Variants in ZNF426 observed in about 807,000 individuals in gnomAD.
ZNF426 encodes the protein zinc finger protein 426.
ZNF426 carries 23 observed loss-of-function variants against 24.0 expected under a neutral mutation model. That is an observed-to-expected ratio of 0.96 (90% confidence interval 0.69 to 1.36). The LOEUF (loss-of-function observed/expected upper bound fraction) is 1.36. Ranked by LOEUF, ZNF426 falls within the 40% of genes most tolerant of loss-of-function variation. The pLI is 0.00. For missense variants in ZNF426, 646 were observed against 658.4 expected (o/e 0.98, Z 0.21); for synonymous variants, 272 against 224.6 (o/e 1.21, Z -1.89).
At chr19:9,529,870 AGCACTTTGG>A (rs2073856590) in intron 7 of ZNF426, among the ~76,000 whole-genome samples, 2 of 152,142 alleles carry the variant, frequency 1.3e-5, no homozygotes, top group African/African-American at 2.4e-5. Flanking sequence ...CTGTAATCCC[AGCACTTTGG>A]GAGTCCGATG....
Position 9,527,640 on chromosome 19 carries a change from A to G in ZNF426, c.*740T>C, listed in dbSNP as rs1000922882. 15 of 152,204 alleles carry G rather than the reference A, an allele frequency of 9.9e-5. No homozygotes were observed. Among genetic ancestry groups the G allele is most frequent in the Admixed American group, 8.5e-4 (13 of 15,274 alleles). The allele number at this position is 152,204 out of a possible 1,614,324, so 9.4% of individuals were successfully genotyped here. On this transcript the variant is annotated 3_prime_UTR_variant, in exon 8 of 8. Coordinates refer to ENST00000253115, the MANE Select transcript of ZNF426 (RefSeq NM_024106.3). ...TAGTTTCTCTCCAGTGTGGCTTTGCATGTGAATATTAAGGCTTTTGGACAA... is the reference window on the plus strand; with the variant it reads ...TAGTTTCTCTCCAGTGTGGCTTTGCGTGTGAATATTAAGGCTTTTGGACAA...
rs1019476126 is a variant in ZNF426, at chr19:9,528,003, T to G, written c.*377A>C. 1.3e-5 allele frequency: 2 copies of G among 158,350 alleles called. No individual in the cohort carries two copies. Among genetic ancestry groups the G allele is most frequent in the African/African-American group, 4.8e-5 (2 of 41,440 alleles). The allele number at this position is 158,350 out of a possible 1,614,324, so 9.8% of individuals were successfully genotyped here. A position where few individuals can be genotyped will look rare whatever the true frequency, so the allele number is the denominator to read the frequency against. ...TCAAATAATTTTCTTTTTTTTTTTT[T>G]TTTGAGATGGAGTCTCACTCCATCG... On this transcript the variant is annotated 3_prime_UTR_variant, in exon 8 of 8. Coordinates refer to ENST00000253115, the MANE Select transcript of ZNF426 (RefSeq NM_024106.3).
In ZNF426 at chr19:9,527,758, T is replaced by G. The variant is rs1285431591; in HGVS notation, c.*622A>C. 1 of 152,200 alleles carries G rather than the reference T, an allele frequency of 6.6e-6. No individual in the cohort carries two copies. The highest frequency in any genetic ancestry group is 1.5e-5 in the Non-Finnish European group (1 of 68,048). The allele number at this position is 152,200 out of a possible 1,614,324, so 9.4% of individuals were successfully genotyped here. A position where few individuals can be genotyped will look rare whatever the true frequency, so the allele number is the denominator to read the frequency against. On this transcript the variant is annotated 3_prime_UTR_variant, in exon 8 of 8. Transcript: ENST00000253115. ...GACTGGGTGGCTCAAACAAGAGAATTTTATTTGTTCAAAGTTCTGGAAGCC... is the reference window on the plus strand; with the variant it reads ...GACTGGGTGGCTCAAACAAGAGAATGTTATTTGTTCAAAGTTCTGGAAGCC...
At chr19:9,532,766 A>G (rs2144773286) in intron 6 of ZNF426, 79 bp downstream of exon 6, 2 of 1,041,424 alleles carry the variant, frequency 1.9e-6, no homozygotes, top group East Asian at 2.4e-5. Context: ...GAGAAAGTAC[A>G]TGTTAAAAAG....
chr19:9,531,712 C>T (rs113458959), intron 6 of ZNF426, among the ~76,000 whole-genome samples: 12 of 152,208 alleles, frequency 7.9e-5, no homozygotes, highest in African/African-American at 2.2e-4. Context: ...TGGCCGGGCA[C>T]GGTGGCTCAT....
chr19:9,536,159 G>C (rs2073962148), intron 3 of ZNF426, 49 bp downstream of exon 3: 1 of 1,612,422 alleles, frequency 6.2e-7, no homozygotes, highest in Admixed American at 1.7e-5. Context: ...CCTATATTGT[G>C]TAAAGGGAAC....
intron 2 of ZNF426, among the ~76,000 whole-genome samples, chr19:9,537,449 CTCTT>C (rs1164543752): frequency 9.2e-6 from 1 of 109,212 alleles, no homozygotes; most frequent in Non-Finnish European, 2.1e-5. Flanking sequence ...GAATATTTAA[CTCTT>C]TTTTTTTTTT....
intron 5 of ZNF426, 49 bp from the exon 6 acceptor site, chr19:9,532,974 C>T (rs375402224): frequency 4.9e-5 from 73 of 1,477,950 alleles, no homozygotes; most frequent in Non-Finnish European, 6.5e-5. Flanking sequence ...AAAAAGATTA[C>T]AAACCTTTCT....
intron 7 of ZNF426, among the ~76,000 whole-genome samples, chr19:9,530,633 A>G (rs996966486): frequency 6.7e-6 from 1 of 148,568 alleles, no homozygotes; most frequent in Non-Finnish European, 1.5e-5. Flanking sequence ...GTGGTGGTGC[A>G]TGCCTGTAGT....
rs756376202 is a variant in ZNF426, at chr19:9,529,005, T to C, written c.1040A>G (p.Gln347Arg). The change falls in exon 8 of 8, where the codon CAG becomes CGG. Residue 347 changes from glutamine to arginine, a missense_variant. Coordinates refer to ENST00000253115, the MANE Select transcript of ZNF426 (RefSeq NM_024106.3). Reference sequence around the variant, plus strand: ...TACATGCATACTAAGGCCCGAGTACTGAGTGAAGGCTTTCCCACATTCCTT... The same window carrying C: ...TACATGCATACTAAGGCCCGAGTACCGAGTGAAGGCTTTCCCACATTCCTT... The part of the protein sequence containing the change: ...VCKECGKAFT[Q>R]YSGLSMHVRS... 6.2e-7 allele frequency: 1 copy of C among 1,613,544 alleles called. No individual in the cohort carries two copies.
intron 4 of ZNF426, among the ~76,000 whole-genome samples, chr19:9,534,736 A>C (rs947720696): frequency 6.6e-6 from 1 of 152,128 alleles, no homozygotes; most frequent in African/African-American, 2.4e-5. Context: ...CTGGGAGTCC[A>C]GTCATGTACC....
At position 9,535,245 on chromosome 19, in the gene ZNF426, A is replaced by G. The variant is rs762227636; in HGVS notation, c.60T>C (p.His20=). 6.8e-6 allele frequency: 11 copies of G among 1,613,424 alleles called. No individual in the cohort carries two copies. The African/African-American group carries it at 1.1e-4, about 16-fold the overall frequency. Residue 20 remains histidine (H), a synonymous_variant, in exon 4 of 8, where the codon CAT becomes CAC. Coordinates refer to ENST00000253115, the MANE Select transcript of ZNF426 (RefSeq NM_024106.3). ...TTCTTCCTGCTGGTGTCTTTTCTTC[A>G]TGAAGGCAAACTGGGTCCCCAGAAA... ...HYLSGDPVCL[H]EEKTPAGRIV... is the part of the protein sequence containing the mutation.
rs777154730 is a variant in ZNF426 at position 9,528,616 on chromosome 19, CAT to C, written c.1427_1428del (p.Tyr476Ter). On this transcript the variant is annotated frameshift_variant, in exon 8 of 8. Transcript: ENST00000253115. LOFTEE classifies it low-confidence loss of function (END_TRUNC). ...AAGGCCTTTCCACATTGTTTACACT[CAT>C]AGGGTTTTTCTCCAGTGTGGATTCG... Reference protein sequence around the residue: ...HMRIHTGEKPYECKQCGKAFS... With the variant: ...HMRIHTGEKPXECKQCGKAFS... 1.2e-4 allele frequency: 197 copies of C among 1,613,836 alleles called. No homozygotes were observed. Among genetic ancestry groups the C allele is most frequent in the Non-Finnish European group, 1.6e-4 (192 of 1,180,012 alleles).
chr19:9,529,723 T>C, intron 7 of ZNF426, 87 bp from the exon 8 acceptor site: 1 of 1,236,382 alleles, frequency 8.1e-7, no homozygotes, highest in Non-Finnish European at 1.1e-6. Flanking sequence ...ATTATAATGG[T>C]GATTATAATT....
In ZNF426 at chr19:9,525,445, T is replaced by C. The variant is rs2073782680; in HGVS notation, c.*2935A>G. ...GGGCTCTGTCCACCATGAGTTCATG[T>C]TTAAGAAAGGCTGAGCATTGATGAT... On this transcript the variant is annotated 3_prime_UTR_variant, in exon 8 of 8. Transcript: ENST00000253115. The C allele has an allele frequency of 6.6e-6, 1 of 152,220 alleles. No homozygotes were observed. Among genetic ancestry groups the C allele is most frequent in the East Asian group, 1.9e-4 (1 of 5,166 alleles). The allele number at this position is 152,220 out of a possible 1,614,324, so 9.4% of individuals were successfully genotyped here. A position where few individuals can be genotyped will look rare whatever the true frequency, so the allele number is the denominator to read the frequency against.
intron 4 of ZNF426, 71 bp from the exon 5 acceptor site, chr19:9,534,037 G>A: frequency 6.4e-7 from 1 of 1,573,994 alleles, no homozygotes; most frequent in Non-Finnish European, 8.6e-7. Context: ...GGATGAGGAA[G>A]GGGGACCCAA....
Position 9,529,204 on chromosome 19 carries a change from T to A in ZNF426, c.841A>T (p.Lys281Ter). 6.2e-7 allele frequency: 1 copy of A among 1,614,188 alleles called. No individual in the cohort carries two copies. The highest frequency in any genetic ancestry group is 8.5e-7 in the Non-Finnish European group (1 of 1,180,026). The change falls in exon 8 of 8, where the codon AAA becomes TAA. Residue 281 changes from lysine to a stop codon, truncating the protein, a stop_gained. Coordinates refer to ENST00000253115, the MANE Select transcript of ZNF426 (RefSeq NM_024106.3). LOFTEE classifies it low-confidence loss of function (END_TRUNC). ...TAGCCTTTTCCACATTCCTTACATT[T>A]GTAGGGCTTTTTTGCATTGAGGGTT... is the stretch of plus-strand genomic sequence containing the variant. Reference protein sequence around the residue: ...IETLNAKKPYKCKECGKGYRY... With the variant: ...IETLNAKKPY
rs761223110 is a variant in ZNF426 at position 9,531,052 on chromosome 19, A to G, written c.341T>C (p.Leu114Pro). The G allele has an allele frequency of 6.2e-7, 1 of 1,614,032 alleles. No homozygotes were observed. The highest frequency in any genetic ancestry group is 1.3e-5 in the African/African-American group (1 of 75,050). ...CTGAAGTATAGACCACTGGGTTTCA[A>G]GTCGCATTTCCCATCCTGAAATAAA... The part of the protein sequence containing the change: ...GGVLQGWEMR[L>P]ETQWSILQQD... Residue 114 changes from leucine to proline, a missense_variant, in exon 7 of 8, where the codon CTT becomes CCT. By Grantham distance (98) the Leu-to-Pro change is moderately conservative. Coordinates refer to ENST00000253115, the MANE Select transcript of ZNF426 (RefSeq NM_024106.3).
In ZNF426 at chr19:9,528,619, A is replaced by AG. The variant is rs749740115; in HGVS notation, c.1425dup (p.Tyr476LeufsTer2). On this transcript the variant is annotated frameshift_variant, in exon 8 of 8. Transcript: ENST00000253115. LOFTEE classifies it low-confidence loss of function (END_TRUNC). ...GCCTTTCCACATTGTTTACACTCAT[A>AG]GGGTTTTTCTCCAGTGTGGATTCGC... 1 of 1,614,010 alleles carries AG rather than the reference A, an allele frequency of 6.2e-7. No individual in the cohort carries two copies. Among genetic ancestry groups the AG allele is most frequent in the South Asian group, 1.1e-5 (1 of 91,076 alleles).
Sources: gnomAD v4.1 joint callset for allele counts (sites outside exome capture counted in the v4.1 genomes callset) on GRCh38, gnomAD v4.1.1 for gene constraint, MANE v1.5 for transcripts, NCBI Gene and HGNC (gene_info 2026-07-23, HGNC 2026-07-21) for gene names.